Variants in C4orf33 observed in about 807,000 individuals in gnomAD.
C4orf33 encodes UPF0462 protein C4orf33.
A neutral mutation model predicts 24.3 loss-of-function variants in C4orf33; 20 were observed. That is an observed-to-expected ratio of 0.82 (90% CI 0.58 to 1.19). The LOEUF is 1.19. Ranked by LOEUF, C4orf33 falls within the 50% of genes most tolerant of loss-of-function variation. The probability of loss-of-function intolerance (pLI) is 0.00; values close to 1 mark genes in which losing one functional copy is unlikely to be tolerated. For missense variants in C4orf33, 207 were observed against 225.9 expected, an observed-to-expected ratio of 0.92 and a Z score of 0.54; for synonymous variants, 67 against 76.4, an observed-to-expected ratio of 0.88 and a Z score of 0.64.
intron 1 of C4orf33, among the ~76,000 whole-genome samples, chr4:129,101,803 A>G (rs1168818205): frequency 6.6e-6 from 1 of 152,210 alleles, no homozygotes; most frequent in Non-Finnish European, 1.5e-5. Flanking sequence ...GTAGGTACTC[A>G]GTCTATTTCA....
At chr4:129,096,302 A>G (rs1753204820) in intron 1 of C4orf33, 93 bp downstream of exon 1, 1 of 152,032 alleles carries the variant, frequency 6.6e-6, no homozygotes, top group Non-Finnish European at 1.5e-5. Flanking sequence ...AAATACTGAA[A>G]AGTATTTTAC....
intron 3 of C4orf33, among the ~76,000 whole-genome samples, chr4:129,108,497 T>G (rs1753582360): frequency 6.6e-6 from 1 of 152,196 alleles, no homozygotes. Flanking sequence ...TAGACAAAGA[T>G]TAAAATCTTT....
In C4orf33 at chr4:129,114,804, C is replaced by T. The variant is rs1033867173; in HGVS notation, c.*3013C>T. 9 of 152,138 alleles carry T rather than the reference C, an allele frequency of 5.9e-5. No homozygotes were observed. The highest frequency in any genetic ancestry group is 3.2e-3 in the Middle Eastern group (1 of 316). The allele number at this position is 152,138 out of a possible 1,614,324, so 9.4% of individuals were successfully genotyped here. On this transcript the variant is annotated 3_prime_UTR_variant, in exon 6 of 6. Coordinates refer to ENST00000425929, the MANE Select transcript of C4orf33 (RefSeq NM_001099783.2). ...CAACTGTTCAGCAGGCAAATAGAAG[C>T]GGGCTACCATGCAGAGCTAGAGTTA...
upstream of C4orf33, among the ~76,000 whole-genome samples, chr4:129,094,320 T>C (rs531953100): frequency 2.6e-4 from 39 of 152,192 alleles, no homozygotes; most frequent in East Asian, 7.3e-3. Context: ...AAAAAAATCA[T>C]TTAACATTAG....
Position 129,115,791 on chromosome 4 carries a change from C to A in C4orf33, c.*4000C>A, listed in dbSNP as rs1753763435. The A allele has an allele frequency of 1.7e-5, 2 of 117,486 alleles. No individual in the cohort carries two copies. The highest frequency in any genetic ancestry group is 3.1e-4 in the South Asian group (1 of 3,276). The allele number at this position is 117,486 out of a possible 1,614,324, so 7.3% of individuals were successfully genotyped here. Reference sequence around the variant, plus strand: ...CAAGAGGAATATGTGCCTAACAAATCTTCTAACTAAATATATATATATATA... The same window carrying A: ...CAAGAGGAATATGTGCCTAACAAATATTCTAACTAAATATATATATATATA... On this transcript the variant is annotated 3_prime_UTR_variant, in exon 6 of 6. Coordinates refer to ENST00000425929, the MANE Select transcript of C4orf33 (RefSeq NM_001099783.2).
At chr4:129,106,323 T>C (rs1753516171) in intron 2 of C4orf33, among the ~76,000 whole-genome samples, 1 of 152,086 alleles carries the variant, frequency 6.6e-6, no homozygotes, top group Non-Finnish European at 1.5e-5. Flanking sequence ...TGTGATAATG[T>C]TAATTTCTTT....
intron 5 of C4orf33, chr4:129,110,102 A>C (rs1397826908): frequency 2.9e-6 from 2 of 685,360 alleles, no homozygotes; most frequent in Non-Finnish European, 3.6e-6. Flanking sequence ...GTAACCTCAT[A>C]AGGATAAAAA....
In C4orf33 at chr4:129,109,860, T is replaced by C. The variant is rs183442181; in HGVS notation, c.494+188T>C. On this transcript the variant is annotated intron_variant, in intron 5 of 5. Coordinates refer to ENST00000425929, the MANE Select transcript of C4orf33 (RefSeq NM_001099783.2). ...AAACTTTGGACTGTCATAATCTCTC[T>C]CACTACTGTCAGTAGAGCACTTATT... 70 of 957,756 alleles carry C rather than the reference T, an allele frequency of 7.3e-5. No homozygotes were observed. In the African/African-American group the frequency reaches 9.9e-4, roughly 14 times the overall value. 59.3% of individuals were successfully genotyped at this position (957,756 alleles called of 1,614,324 possible). A position where few individuals can be genotyped will look rare whatever the true frequency, so the allele number is the denominator to read the frequency against.
At chr4:129,094,994 T>C (rs17351519), upstream of C4orf33, among the ~76,000 whole-genome samples, 1,045 of 152,278 alleles carry the variant, frequency 6.9e-3, 2 homozygotes, top group Non-Finnish European at 0.011. Flanking sequence ...TGGAAGCAAA[T>C]ACCTTCTGGC....
chr4:129,094,975 C>A (rs1050012933), upstream of C4orf33, among the ~76,000 whole-genome samples: 1 of 152,146 alleles, frequency 6.6e-6, no homozygotes, highest in Non-Finnish European at 1.5e-5. Flanking sequence ...CGCTTACACC[C>A]AAACTGGATG....
At chr4:129,098,291 A>G (rs1753258625) in intron 1 of C4orf33, among the ~76,000 whole-genome samples, 1 of 152,170 alleles carries the variant, frequency 6.6e-6, no homozygotes, top group Admixed American at 6.5e-5. Context: ...CATAGTACCC[A>G]GTAGTTAGTT....
intron 2 of C4orf33, 48 bp from the exon 3 acceptor site, chr4:129,106,539 G>T: frequency 1.1e-6 from 1 of 896,792 alleles, no homozygotes; most frequent in South Asian, 1.6e-5. Flanking sequence ...TTTATTGTTG[G>T]AAAGCAATAT....
upstream of C4orf33, among the ~76,000 whole-genome samples, chr4:129,095,815 A>G (rs1753188750): frequency 6.6e-6 from 1 of 152,218 alleles, no homozygotes. Context: ...AATATAGTAT[A>G]ATATAGTTTA....
In C4orf33 at chr4:129,114,209, A is replaced by C. The variant is rs1753740258; in HGVS notation, c.*2418A>C. On this transcript the variant is annotated 3_prime_UTR_variant, in exon 6 of 6. Transcript: ENST00000425929. ...AACACTTGCAGGAACCCATTTAGCC[A>C]TTCTCTCACATGAACTACCCGGGAT... The C allele has an allele frequency of 6.6e-6, 1 of 152,144 alleles. No individual in the cohort carries two copies. The highest frequency in any genetic ancestry group is 1.5e-5 in the Non-Finnish European group (1 of 68,064). The allele number at this position is 152,144 out of a possible 1,614,324, so 9.4% of individuals were successfully genotyped here. A position where few individuals can be genotyped will look rare whatever the true frequency, so the allele number is the denominator to read the frequency against.
At chr4:129,099,461 G>A (rs530424599) in intron 1 of C4orf33, among the ~76,000 whole-genome samples, 4 of 152,298 alleles carry the variant, frequency 2.6e-5, no homozygotes, top group South Asian at 2.1e-4. Flanking sequence ...CACGAACACA[G>A]TAGATTTCTC....
chr4:129,106,778 T>A, intron 3 of C4orf33, 131 bp downstream of exon 3: 1 of 513,494 alleles, frequency 1.9e-6, no homozygotes. Flanking sequence ...TTGAATGATA[T>A]GCTTTTATAT....
At chr4:129,107,814 A>C (rs1753563381) in intron 3 of C4orf33, among the ~76,000 whole-genome samples, 6 of 151,962 alleles carry the variant, frequency 3.9e-5, no homozygotes, top group Admixed American at 3.9e-4. Flanking sequence ...ATATCCTAAA[A>C]TTTTGCCCTT....
intron 1 of C4orf33, among the ~76,000 whole-genome samples, chr4:129,097,816 T>C (rs1756012): frequency 0.72 from 109,780 of 152,166 alleles, 41,557 homozygotes; most frequent in South Asian, 0.89. Flanking sequence ...TCTCAATGCC[T>C]TCATTAACAC....
intron 5 of C4orf33, 135 bp downstream of exon 5, chr4:129,109,807 C>T (rs1218058281): frequency 5.6e-6 from 5 of 885,828 alleles, no homozygotes; most frequent in Non-Finnish European, 8.4e-6. Flanking sequence ...GTCCAATGTT[C>T]ACTGATGGTC....
Sources: allele counts gnomAD v4.1 joint callset (sites outside exome capture counted in the v4.1 genomes callset), GRCh38; gene constraint gnomAD v4.1.1; transcripts MANE v1.5; gene names NCBI Gene and HGNC (gene_info 2026-07-23, HGNC 2026-07-21).